Variants in CNTNAP2 observed in about 807,000 individuals in gnomAD.
The protein encoded by CNTNAP2 is contactin-associated protein-like 2.
Under a neutral mutation model 155.2 loss-of-function variants are expected in CNTNAP2, and 98 were observed. The observed-to-expected ratio is 0.63, with a 90% CI of 0.54 to 0.75. The LOEUF is 0.75. CNTNAP2 is among the 30% of genes least tolerant of loss of function. CNTNAP2 has a pLI of 0.00. For missense variants in CNTNAP2, 1,727 were observed against 1,688.1 expected, an observed-to-expected ratio of 1.02 and a Z score of -0.40; for synonymous variants, 651 against 631.2, an observed-to-expected ratio of 1.03 and a Z score of -0.47.
At chr7:148,180,592 C>T (rs567346906) in intron 18 of CNTNAP2, among the ~76,000 whole-genome samples, 1 of 152,014 alleles carries the variant, frequency 6.6e-6, no homozygotes, top group Non-Finnish European at 1.5e-5. Context: ...ACAGAAGTTG[C>T]GTCTCTGGTA....
At chr7:147,769,096 A>G (rs1177491285) in intron 13 of CNTNAP2, among the ~76,000 whole-genome samples, 1 of 152,126 alleles carries the variant, frequency 6.6e-6, no homozygotes, top group Non-Finnish European at 1.5e-5. Flanking sequence ...ATGAAATTAT[A>G]TTAGCAAAAA....
chr7:146,563,228 A>T (rs1584983074), intron 1 of CNTNAP2, among the ~76,000 whole-genome samples: 1 of 152,186 alleles, frequency 6.6e-6, no homozygotes, highest in East Asian at 1.9e-4. Context: ...AATGCTGTCA[A>T]TTCTGCAACT....
rs1371950776 is a variant in CNTNAP2 at position 147,312,684 on chromosome 7, C to T, written c.1498+12394C>T. On this transcript the variant is annotated intron_variant, in intron 9 of 23. Coordinates refer to ENST00000361727, the MANE Select transcript of CNTNAP2 (RefSeq NM_014141.6). ...CATTGTTGGACATTTGGGTTGGTTC[C>T]AAGTCTTTGCTATTGTGAATAGTGC... Among the ~76,000 whole-genome samples the T allele has an allele frequency of 5.6e-5, 6 of 107,422 alleles. 1 individual carries two copies. Among genetic ancestry groups the T allele is most frequent in the South Asian group, 3.3e-4 (1 of 3,040 alleles). 70.5% of individuals were successfully genotyped at this position (107,422 alleles called of 152,430 possible). A position where few individuals can be genotyped will look rare whatever the true frequency, so the allele number is the denominator to read the frequency against.
chr7:148,037,418 A>C (rs1159150835), intron 15 of CNTNAP2, among the ~76,000 whole-genome samples: 1 of 152,234 alleles, frequency 6.6e-6, no homozygotes, highest in Non-Finnish European at 1.5e-5. Context: ...CTGTGTGCCC[A>C]CTTGTTGCTT....
At chr7:147,296,609 G>A (rs1407687025) in intron 8 of CNTNAP2, among the ~76,000 whole-genome samples, 3 of 152,160 alleles carry the variant, frequency 2.0e-5, no homozygotes, top group Non-Finnish European at 4.4e-5. Flanking sequence ...ACAGAACTTG[G>A]ACTTAAATCA....
intron 13 of CNTNAP2, among the ~76,000 whole-genome samples, chr7:147,701,529 A>G (rs2117004756): frequency 6.6e-6 from 1 of 152,324 alleles, no homozygotes; most frequent in South Asian, 2.1e-4. Flanking sequence ...ATATCCAAAC[A>G]GAGTATACTG....
chr7:147,122,175 A>G (rs964991959), intron 6 of CNTNAP2: 1 of 152,108 alleles, frequency 6.6e-6, no homozygotes, highest in African/African-American at 2.4e-5. Flanking sequence ...AACTGCCTCA[A>G]AAAAAACAAC....
chr7:146,904,565 A>G (rs1360376386), intron 3 of CNTNAP2, among the ~76,000 whole-genome samples: 1 of 152,024 alleles, frequency 6.6e-6, no homozygotes, highest in African/African-American at 2.4e-5. Flanking sequence ...TGCGCCTCCC[A>G]GGTTCACGCC....
chr7:147,164,008 T>C (rs938613262), intron 8 of CNTNAP2, among the ~76,000 whole-genome samples: 1 of 152,196 alleles, frequency 6.6e-6, no homozygotes, highest in African/African-American at 2.4e-5. Context: ...GAGATACATA[T>C]TGACTTTTTT....
At chr7:146,479,269 A>G (rs982354422) in intron 1 of CNTNAP2, among the ~76,000 whole-genome samples, 1 of 152,202 alleles carries the variant, frequency 6.6e-6, no homozygotes, top group Non-Finnish European at 1.5e-5. Flanking sequence ...CAGACGCCCT[A>G]TAAAGATGAG....
chr7:146,482,717 C>T lies in CNTNAP2; in HGVS notation c.98-291554C>T, dbSNP rs193056872. Among the ~76,000 whole-genome samples the T allele has an allele frequency of 2.0e-3, 297 of 149,446 alleles. 1 individual carries two copies. Among genetic ancestry groups the T allele is most frequent in the Middle Eastern group, 0.014 (4 of 282 alleles). On this transcript the variant is annotated intron_variant, in intron 1 of 23. Transcript: ENST00000361727. The stretch of plus-strand genomic sequence containing the variant: ...GAGATCACGCCACTGCACTCCAGCC[C>T]GGTGACAGAGCAAGACTGTCTCAAA...
chr7:146,502,232 T>TATATATATATGA (rs1797313541), intron 1 of CNTNAP2, among the ~76,000 whole-genome samples: 1 of 65,560 alleles, frequency 1.5e-5, no homozygotes, highest in African/African-American at 5.0e-5. Context: ...TGAATATATA[T>TATATATATATGA]ATATATATAT....
At chr7:148,270,767 A>C (rs772884856) in intron 21 of CNTNAP2, among the ~76,000 whole-genome samples, 1 of 152,212 alleles carries the variant, frequency 6.6e-6, no homozygotes, top group Non-Finnish European at 1.5e-5. Flanking sequence ...AGTAGAAAGA[A>C]TGTGGACTTC....
At chr7:147,392,479 C>T (rs1480896973) in intron 9 of CNTNAP2, among the ~76,000 whole-genome samples, 2 of 151,860 alleles carry the variant, frequency 1.3e-5, no homozygotes, top group Admixed American at 6.6e-5. Context: ...ATACACTGAA[C>T]CCAATTTGTC....
intron 3 of CNTNAP2, among the ~76,000 whole-genome samples, chr7:146,951,519 C>T (rs1797313064): frequency 6.6e-6 from 1 of 152,098 alleles, no homozygotes. Context: ...ATATGGCTAG[C>T]TAATTTTCCC....
At chr7:147,322,546 T>C (rs1795372313) in intron 9 of CNTNAP2, among the ~76,000 whole-genome samples, 1 of 151,682 alleles carries the variant, frequency 6.6e-6, no homozygotes, top group African/African-American at 2.4e-5. Context: ...CTTTTTTGGT[T>C]GTGTCTCTGC....
chr7:147,844,915 T>C lies in CNTNAP2; in HGVS notation c.2099-58650T>C, dbSNP rs1429984073. Reference sequence around the variant, plus strand: ...ATTACATTTATTGATTTGCGTATATTGAACCAGCCTTGCATCCCAGGGATG... The same window carrying C: ...ATTACATTTATTGATTTGCGTATATCGAACCAGCCTTGCATCCCAGGGATG... On this transcript the variant is annotated intron_variant, in intron 13 of 23. Transcript: ENST00000361727. Among the ~76,000 whole-genome samples the C allele has an allele frequency of 9.7e-5, 14 of 143,942 alleles. 1 individual carries two copies. Among genetic ancestry groups the C allele is most frequent in the African/African-American group, 3.5e-4 (14 of 39,712 alleles). The allele number at this position is 143,942 out of a possible 152,430, so 94.4% of individuals were successfully genotyped here. A position where few individuals can be genotyped will look rare whatever the true frequency, so the allele number is the denominator to read the frequency against.
chr7:146,531,020 T>C (rs1797761445), intron 1 of CNTNAP2, among the ~76,000 whole-genome samples: 1 of 152,126 alleles, frequency 6.6e-6, no homozygotes, highest in Non-Finnish European at 1.5e-5. Context: ...TGGTACACAT[T>C]TTATACACCG....
chr7:146,282,598 T>A (rs1800268752), intron 1 of CNTNAP2, among the ~76,000 whole-genome samples: 1 of 152,182 alleles, frequency 6.6e-6, no homozygotes, highest in African/African-American at 2.4e-5. Context: ...GTAACATATG[T>A]TTGCTCTCAG....
Sources: allele counts gnomAD v4.1 joint callset (sites outside exome capture counted in the v4.1 genomes callset), GRCh38; gene constraint gnomAD v4.1.1; transcripts MANE v1.5; gene names NCBI Gene and HGNC (gene_info 2026-07-23, HGNC 2026-07-21).